CEP135: variants seen among roughly 807,000 people sequenced by gnomAD.
CEP135 encodes the protein centrosomal protein of 135 kDa.
Under a neutral mutation model 157.3 loss-of-function variants are expected in CEP135, and 142 were observed. The observed-to-expected ratio is 0.90, with a 90% confidence interval of 0.79 to 1.04. The LOEUF (loss-of-function observed/expected upper bound fraction) is 1.04, where lower values mean the gene tolerates loss of function less well. CEP135 is among the 50% of genes least tolerant of loss of function. CEP135 has a pLI of 0.00. For synonymous variants in CEP135, 396 were observed against 439.8 expected (o/e 0.90, Z 1.25); for missense variants, 1,317 against 1,309.2 (o/e 1.01, Z -0.09).
At chr4:55,973,341 T>C (rs1729090311) in intron 10 of CEP135, among the ~76,000 whole-genome samples, 1 of 152,222 alleles carries the variant, frequency 6.6e-6, no homozygotes, top group African/African-American at 2.4e-5. Flanking sequence ...ACGGGGGATA[T>C]TTAAAATGTT....
intron 21 of CEP135, among the ~76,000 whole-genome samples, chr4:56,014,166 G>T (rs960350433): frequency 6.6e-6 from 1 of 152,090 alleles, no homozygotes; most frequent in African/African-American, 2.4e-5. Context: ...ATTTTTTTAG[G>T]CCACACAATT....
intron 17 of CEP135, among the ~76,000 whole-genome samples, chr4:56,005,061 T>C (rs2109722692): frequency 6.6e-6 from 1 of 152,282 alleles, no homozygotes; most frequent in Middle Eastern, 3.4e-3. Flanking sequence ...TATAGCTTTT[T>C]ACACTGTGGT....
At chr4:55,981,064 T>C (rs1273163569) in intron 12 of CEP135, among the ~76,000 whole-genome samples, 163 bp from the exon 13 acceptor site, 1 of 152,198 alleles carries the variant, frequency 6.6e-6, no homozygotes, top group Non-Finnish European at 1.5e-5. Context: ...GTCTTTTTTG[T>C]TTTATTATTC....
chr4:56,011,743 G>T, intron 20 of CEP135, 57 bp from the exon 21 acceptor site: 2 of 1,369,516 alleles, frequency 1.5e-6, no homozygotes, highest in Non-Finnish European at 2.0e-6. Flanking sequence ...TATGACATAG[G>T]TGTTCCAGGA....
chr4:55,986,174 A>G (rs11937929), intron 14 of CEP135, among the ~76,000 whole-genome samples: 29,376 of 152,224 alleles, frequency 0.19, 3,177 homozygotes, highest in Non-Finnish European at 0.26. Context: ...AAGAACTTAG[A>G]AGCGTGCCTG....
Position 55,974,841 on chromosome 4 carries a change from G to A in CEP135, c.1345G>A (p.Gly449Ser). ...TTCTCGTTTAGATACATTTCTGAAA[G>A]GTATAGAAGAAGAACGAGATTATTA... is the stretch of plus-strand genomic sequence containing the variant. ...SPSRLDTFLK[G>S]IEEERDYYKK... The change falls in exon 11 of 26, where the codon GGT (glycine) becomes AGT (serine). Residue 449 changes from glycine (G) to serine (S), a missense_variant. Physicochemically the swap from Gly to Ser is moderately conservative, Grantham distance 56. Coordinates refer to ENST00000257287, the MANE Select transcript of CEP135 (RefSeq NM_025009.5). 1 of 1,613,754 alleles carries A rather than the reference G, an allele frequency of 6.2e-7. No homozygotes were observed. Among genetic ancestry groups the A allele is most frequent in the Non-Finnish European group, 8.5e-7 (1 of 1,179,814 alleles).
rs777424946 is a variant in CEP135 at position 55,999,375 on chromosome 4, G to C, written c.2083G>C (p.Glu695Gln). The change falls in exon 16 of 26, where the codon GAA (glutamate) becomes CAA (glutamine). Residue 695 changes from glutamate (E) to glutamine (Q), a missense_variant. Glu to Gln is a conservative substitution (Grantham distance 29). Coordinates refer to ENST00000257287, the MANE Select transcript of CEP135 (RefSeq NM_025009.5). The stretch of plus-strand genomic sequence containing the variant: ...ACTTTCCATAAAAAGAGGTGAACTT[G>C]AATCAGCCCAAGCACAAATTAAAAT... ...HRLSIKRGEL[E>Q]SAQAQIKILE... 6.2e-7 allele frequency: 1 copy of C among 1,614,134 alleles called. No homozygotes were observed. Among genetic ancestry groups the C allele is most frequent in the Admixed American group, 1.7e-5 (1 of 60,026 alleles).
chr4:55,973,283 G>A (rs1277426926), intron 10 of CEP135, among the ~76,000 whole-genome samples: 2 of 152,182 alleles, frequency 1.3e-5, no homozygotes, highest in South Asian at 2.1e-4. Flanking sequence ...GCTCAGCGCT[G>A]TATGGAAATC....
chr4:56,026,359 A>G (rs1217371913), intron 25 of CEP135, among the ~76,000 whole-genome samples: 3 of 152,362 alleles, frequency 2.0e-5, no homozygotes, highest in East Asian at 1.9e-4. Flanking sequence ...GGCGTCAGTC[A>G]TAAGCCCTGG....
chr4:55,999,780 T>TCCGC, intron 17 of CEP135, 135 bp downstream of exon 17: 2 of 791,014 alleles, frequency 2.5e-6, no homozygotes, highest in South Asian at 2.1e-5. Context: ...GCAACCCCTA[T>TCCGC]CTCTTGGGCT....
intron 21 of CEP135, among the ~76,000 whole-genome samples, chr4:56,016,953 C>T (rs1246077745): frequency 2.6e-5 from 4 of 152,068 alleles, no homozygotes; most frequent in African/African-American, 9.7e-5. Flanking sequence ...GGGTTGCAGA[C>T]GTGAGCCACC....
chr4:56,025,046 G>A (rs748370287), intron 25 of CEP135, among the ~76,000 whole-genome samples: 8 of 152,078 alleles, frequency 5.3e-5, no homozygotes, highest in Non-Finnish European at 1.2e-4. Flanking sequence ...CTGGGGAGGT[G>A]GGGGAGGATA....
intron 5 of CEP135, among the ~76,000 whole-genome samples, chr4:55,959,256 C>CT (rs1728603657): frequency 6.6e-6 from 1 of 152,168 alleles, no homozygotes; most frequent in Admixed American, 6.5e-5. Context: ...TACATATGAT[C>CT]TTTTTTCCAG....
At chr4:55,967,254 G>A (rs1243482188) in intron 8 of CEP135, among the ~76,000 whole-genome samples, 1 of 152,066 alleles carries the variant, frequency 6.6e-6, no homozygotes, top group African/African-American at 2.4e-5. Context: ...GTGGGTTAAA[G>A]TGACAAATAC....
intron 1 of CEP135, among the ~76,000 whole-genome samples, chr4:55,949,581 G>C (rs1728291725): frequency 6.6e-6 from 1 of 152,150 alleles, no homozygotes; most frequent in Non-Finnish European, 1.5e-5. Flanking sequence ...CTTTGTTGTC[G>C]TTTGGGGTTT....
intron 21 of CEP135, among the ~76,000 whole-genome samples, chr4:56,014,641 T>C (rs1320049430): frequency 1.3e-5 from 2 of 152,260 alleles, no homozygotes; most frequent in Admixed American, 6.5e-5. Flanking sequence ...CCAAGCAAAG[T>C]GCGGAAGAGA....
At chr4:56,011,265 A>T in intron 19 of CEP135, 147 bp from the exon 20 acceptor site, 3 of 581,752 alleles carry the variant, frequency 5.2e-6, no homozygotes, top group Non-Finnish European at 8.8e-6. Flanking sequence ...TCAGCCAGGA[A>T]AAATATGTGA....
At chr4:55,980,914 G>C (rs1051944214) in intron 12 of CEP135, among the ~76,000 whole-genome samples, 6 of 152,148 alleles carry the variant, frequency 3.9e-5, no homozygotes, top group African/African-American at 1.4e-4. Context: ...GAATTCTGCA[G>C]TGTAAATTGA....
At chr4:56,005,489 T>C (rs777639829) in intron 17 of CEP135, among the ~76,000 whole-genome samples, 8 of 152,142 alleles carry the variant, frequency 5.3e-5, no homozygotes, top group Non-Finnish European at 1.0e-4. Context: ...TTCTACTCTT[T>C]ATCTCCCTCG....
Sources: allele counts gnomAD v4.1 joint callset (sites outside exome capture counted in the v4.1 genomes callset), GRCh38; gene constraint gnomAD v4.1.1; transcripts MANE v1.5; gene names NCBI Gene and HGNC (gene_info 2026-07-23, HGNC 2026-07-21).